The following STPG2 variants were observed in gnomAD, a reference collection of about 807,000 sequenced individuals.
STPG2 encodes sperm tail PG-rich repeat containing 2.
STPG2 carries 56 observed loss-of-function variants against 54.2 expected under a neutral mutation model. The observed-to-expected ratio is 1.03, with a 90% CI of 0.83 to 1.29. STPG2 has a LOEUF of 1.29. Among genes scored for constraint, STPG2 ranks in the 50% most tolerant of loss-of-function variants. The probability of loss-of-function intolerance (pLI) is 0.00; values close to 1 mark genes in which losing one functional copy is unlikely to be tolerated. For synonymous variants in STPG2, 200 were observed against 181.8 expected, an observed-to-expected ratio of 1.10 and a Z score of -0.81; for missense variants, 596 against 544.9, an observed-to-expected ratio of 1.09 and a Z score of -0.93.
chr4:98,088,452 T>C (rs1354367360), intron 5 of STPG2, among the ~76,000 whole-genome samples: 4 of 152,110 alleles, frequency 2.6e-5, no homozygotes, highest in Non-Finnish European at 1.5e-5. Flanking sequence ...CAAAGTTTCT[T>C]TTTAGCTTCT....
chr4:97,790,434 A>G (rs1043780589), intron 9 of STPG2, among the ~76,000 whole-genome samples: 2 of 152,160 alleles, frequency 1.3e-5, no homozygotes, highest in African/African-American at 4.8e-5. Context: ...TGTGTCTCAC[A>G]AGGCCAAAAT....
intron 10 of STPG2, among the ~76,000 whole-genome samples, chr4:97,631,942 T>A (rs1409883185): frequency 6.6e-6 from 1 of 152,042 alleles, no homozygotes; most frequent in African/African-American, 2.4e-5. Context: ...CAAAAACAGT[T>A]AGAAAAAGCT....
At chr4:97,477,927 T>C (rs1420700252) in intron 4 of STPG2, among the ~76,000 whole-genome samples, 2 of 152,312 alleles carry the variant, frequency 1.3e-5, no homozygotes, top group Admixed American at 1.3e-4. Flanking sequence ...TACTACGTGA[T>C]AAAAACTAGC....
At chr4:98,097,939 A>C (rs958688839) in intron 5 of STPG2, among the ~76,000 whole-genome samples, 31 of 152,152 alleles carry the variant, frequency 2.0e-4, no homozygotes, top group African/African-American at 7.5e-4. Context: ...TCTGCAATGA[A>C]AGCTATAAAA....
At chr4:97,548,605 CATTT>C (rs1321499393) in intron 4 of STPG2, among the ~76,000 whole-genome samples, 2 of 152,030 alleles carry the variant, frequency 1.3e-5, no homozygotes, top group African/African-American at 2.4e-5. Flanking sequence ...TTTAATTAAT[CATTT>C]ATTTGGAGTC....
intron 10 of STPG2, among the ~76,000 whole-genome samples, chr4:97,596,651 C>T (rs1733301907): frequency 1.3e-5 from 2 of 152,164 alleles, no homozygotes; most frequent in South Asian, 4.1e-4. Flanking sequence ...AAACAACCTG[C>T]TCCAGAATGA....
At chr4:97,706,122 T>C (rs1047676546) in intron 10 of STPG2, among the ~76,000 whole-genome samples, 1 of 152,124 alleles carries the variant, frequency 6.6e-6, no homozygotes, top group Admixed American at 6.6e-5. Flanking sequence ...TTCTTTTTAT[T>C]CGTAAGTAGT....
intron 9 of STPG2, among the ~76,000 whole-genome samples, chr4:97,800,736 G>T (rs1578576811): frequency 6.6e-6 from 1 of 152,348 alleles, no homozygotes; most frequent in Non-Finnish European, 1.5e-5. Context: ...CAAGTCTGCA[G>T]TGGTTTCTGC....
intron 10 of STPG2, among the ~76,000 whole-genome samples, chr4:97,560,658 T>C (rs1560660015): frequency 6.6e-6 from 1 of 152,000 alleles, no homozygotes; most frequent in Admixed American, 6.6e-5. Context: ...AAAATCAAAG[T>C]AAAACAAAAC....
intron 10 of STPG2, among the ~76,000 whole-genome samples, chr4:97,703,631 T>TATATATAAATAAAAC (rs1404718629): frequency 7.2e-6 from 1 of 139,666 alleles, no homozygotes; most frequent in African/African-American, 2.6e-5. Context: ...ATATATATTA[T>TATATATAAATAAAAC]ATATATAAAT....
chr4:97,618,320 C>T (rs1211733295), intron 10 of STPG2, among the ~76,000 whole-genome samples: 1 of 152,060 alleles, frequency 6.6e-6, no homozygotes, highest in South Asian at 2.1e-4. Flanking sequence ...TCCTTCTTGA[C>T]TCTGTCAAGT....
chr4:97,464,744 G>C (rs1445803315), intron 4 of STPG2, among the ~76,000 whole-genome samples: 2 of 152,078 alleles, frequency 1.3e-5, no homozygotes, highest in South Asian at 2.1e-4. Flanking sequence ...TATAATAGTA[G>C]GGATAAATAG....
At chr4:98,013,172 T>A (rs1433084344) in intron 5 of STPG2, among the ~76,000 whole-genome samples, 1 of 152,228 alleles carries the variant, frequency 6.6e-6, no homozygotes, top group Non-Finnish European at 1.5e-5. Flanking sequence ...GGATATTGGA[T>A]TTTATTGAAT....
intron 10 of STPG2, among the ~76,000 whole-genome samples, chr4:97,615,659 A>G (rs931164144): frequency 3.3e-5 from 5 of 152,024 alleles, no homozygotes; most frequent in African/African-American, 1.2e-4. Flanking sequence ...ATTTTTACCG[A>G]TATATCAATT....
intron 9 of STPG2, among the ~76,000 whole-genome samples, chr4:97,829,088 C>T (rs781267102): frequency 9.9e-5 from 15 of 152,280 alleles, no homozygotes; most frequent in South Asian, 4.1e-4. Flanking sequence ...GAGACATCTC[C>T]GAGTAGGGGT....
chr4:97,579,367 A>T (rs1732804223), intron 10 of STPG2, among the ~76,000 whole-genome samples: 1 of 152,008 alleles, frequency 6.6e-6, no homozygotes, highest in South Asian at 2.1e-4. Flanking sequence ...AAAGCATCTT[A>T]AAAAATTTTC....
chr4:97,469,827 C>A (rs1216992134), intron 4 of STPG2, among the ~76,000 whole-genome samples: 4 of 151,796 alleles, frequency 2.6e-5, no homozygotes, highest in African/African-American at 9.7e-5. Context: ...GTCAAAAAGG[C>A]AAGTGGGAAC....
intron 10 of STPG2, among the ~76,000 whole-genome samples, chr4:97,691,375 G>A (rs1442043963): frequency 6.6e-6 from 1 of 152,134 alleles, no homozygotes; most frequent in Non-Finnish European, 1.5e-5. Flanking sequence ...CAGGCTGCGT[G>A]GGAGCTGGGT....
intron 5 of STPG2, among the ~76,000 whole-genome samples, chr4:98,058,742 C>G (rs929905698): frequency 6.6e-6 from 1 of 152,044 alleles, no homozygotes; most frequent in African/African-American, 2.4e-5. Context: ...ACTCTCCACC[C>G]AAAAACAACA....
Sources: allele counts gnomAD v4.1 joint callset (sites outside exome capture counted in the v4.1 genomes callset), GRCh38; gene constraint gnomAD v4.1.1; transcripts MANE v1.5; gene names NCBI Gene and HGNC (gene_info 2026-07-23, HGNC 2026-07-21).